NALF1: variants seen among roughly 807,000 people sequenced by gnomAD.
The protein encoded by NALF1 is NALCN channel auxiliary factor 1.
In NALF1, 3 loss-of-function variants were observed where a neutral mutation model predicts 48.4. The ratio of observed to expected loss-of-function variants is 0.06; its 90% CI spans 0.03 to 0.16. NALF1 has a LOEUF of 0.16. NALF1 is among the 10% of genes least tolerant of loss of function. The pLI, the probability that NALF1 is intolerant of heterozygous loss-of-function variation, is 1.00. For missense variants in NALF1, 526 were observed against 571.5 expected (o/e 0.92, Z 0.81); for synonymous variants, 262 against 245.7 (o/e 1.07, Z -0.62).
intron 1 of NALF1, among the ~76,000 whole-genome samples, chr13:107,717,285 G>A (rs1297566047): frequency 6.6e-6 from 1 of 152,094 alleles, no homozygotes; most frequent in Admixed American, 6.5e-5. Flanking sequence ...TTTAATCTAC[G>A]AGTTCCCCAA....
At chr13:107,186,202 T>C (rs1220431763) in intron 2 of NALF1, among the ~76,000 whole-genome samples, 1 of 152,130 alleles carries the variant, frequency 6.6e-6, no homozygotes, top group East Asian at 1.9e-4. Context: ...TGACGGGGTT[T>C]AGTATCCACC....
At chr13:107,325,897 C>CACACACACAT (rs1448533605) in intron 1 of NALF1, among the ~76,000 whole-genome samples, 12 of 122,010 alleles carry the variant, frequency 9.8e-5, no homozygotes, top group African/African-American at 3.4e-4. Context: ...TACACACACA[C>CACACACACAT]ACACACACAC....
chr13:107,732,650 C>T (rs1221806473), intron 1 of NALF1, among the ~76,000 whole-genome samples: 2 of 152,124 alleles, frequency 1.3e-5, no homozygotes, highest in Non-Finnish European at 2.9e-5. Context: ...AAAGTGCAAG[C>T]AGCTTCTCTT....
chr13:107,666,586 C>T (rs910683435), intron 1 of NALF1, among the ~76,000 whole-genome samples: 2 of 152,102 alleles, frequency 1.3e-5, no homozygotes, highest in Non-Finnish European at 2.9e-5. Flanking sequence ...ATTGAGATGG[C>T]TATGGCCTTG....
chr13:107,476,639 C>G (rs2139057051), intron 1 of NALF1, among the ~76,000 whole-genome samples: 1 of 152,082 alleles, frequency 6.6e-6, no homozygotes, highest in Non-Finnish European at 1.5e-5. Flanking sequence ...AGTTCAGATA[C>G]TTTTTGACAA....
At chr13:107,644,466 C>T (rs936765106) in intron 1 of NALF1, among the ~76,000 whole-genome samples, 1 of 151,166 alleles carries the variant, frequency 6.6e-6, no homozygotes, top group Non-Finnish European at 1.5e-5. Flanking sequence ...CAATAAATGG[C>T]AAAGACTGAA....
intron 1 of NALF1, among the ~76,000 whole-genome samples, chr13:107,371,737 G>A (rs1291297780): frequency 6.6e-6 from 1 of 152,080 alleles, no homozygotes; most frequent in Non-Finnish European, 1.5e-5. Flanking sequence ...GAGAAGTCGA[G>A]ATCAAAAAGA....
rs995236550 is a variant in NALF1 at position 107,769,617 on chromosome 13, C to A, written c.915+96065G>T. Among the ~76,000 whole-genome samples, 34 of 150,804 alleles carry A rather than the reference C, an allele frequency of 2.3e-4. 1 individual carries two copies. Among genetic ancestry groups the A allele is most frequent in the Non-Finnish European group, 3.8e-4 (26 of 67,870 alleles). ...ATGACGAGTTAGTGGGTTCAGTACA[C>A]CAGCATGGCACATGTATACATATGT... On this transcript the variant is annotated intron_variant, in intron 1 of 2. Transcript: ENST00000375915.
At chr13:107,842,224 T>A (rs1880061970) in intron 1 of NALF1, among the ~76,000 whole-genome samples, 3 of 151,980 alleles carry the variant, frequency 2.0e-5, no homozygotes, top group East Asian at 1.9e-4. Flanking sequence ...TGAAAAAAAA[T>A]TTTTTAGATG....
intron 1 of NALF1, among the ~76,000 whole-genome samples, chr13:107,226,165 C>A: frequency 6.6e-6 from 1 of 152,004 alleles, no homozygotes; most frequent in East Asian, 1.9e-4. Flanking sequence ...AACAGCAGAG[C>A]CTCCAGAGAG....
intron 1 of NALF1, among the ~76,000 whole-genome samples, chr13:107,306,018 C>T (rs1217204443): frequency 6.6e-6 from 1 of 151,998 alleles, no homozygotes; most frequent in African/African-American, 2.4e-5. Flanking sequence ...GGTGGAGGTA[C>T]AAACTAAGAA....
chr13:107,564,452 G>A (rs764090674), intron 1 of NALF1, among the ~76,000 whole-genome samples: 3 of 152,082 alleles, frequency 2.0e-5, no homozygotes, highest in Non-Finnish European at 4.4e-5. Context: ...CTTTCAACAC[G>A]TAGGTCGTTT....
At chr13:107,584,259 C>T (rs1745601789) in intron 1 of NALF1, among the ~76,000 whole-genome samples, 1 of 152,056 alleles carries the variant, frequency 6.6e-6, no homozygotes, top group African/African-American at 2.4e-5. Flanking sequence ...GAAAATTAGA[C>T]ATATATCACA....
chr13:107,616,902 G>A (rs1019183956), intron 1 of NALF1, among the ~76,000 whole-genome samples: 2 of 152,094 alleles, frequency 1.3e-5, no homozygotes, highest in Non-Finnish European at 2.9e-5. Context: ...TTGAAATGCA[G>A]AAATAACCGC....
chr13:107,358,958 C>A (rs1360830128), intron 1 of NALF1, among the ~76,000 whole-genome samples: 2 of 152,080 alleles, frequency 1.3e-5, no homozygotes, highest in Admixed American at 6.6e-5. Flanking sequence ...GGTTTAAAAG[C>A]AGCTAAAAAT....
chr13:107,627,667 T>C (rs556749829), intron 1 of NALF1, among the ~76,000 whole-genome samples: 2 of 152,188 alleles, frequency 1.3e-5, no homozygotes, highest in East Asian at 1.9e-4. Flanking sequence ...AAAGGTTACA[T>C]GCAACAAAAA....
chr13:107,332,469 C>T (rs776098738), intron 1 of NALF1, among the ~76,000 whole-genome samples: 1 of 152,226 alleles, frequency 6.6e-6, no homozygotes, highest in Non-Finnish European at 1.5e-5. Context: ...AAGCCCTTTC[C>T]AGTACTGGAG....
At chr13:107,592,497 T>C (rs1038883366) in intron 1 of NALF1, among the ~76,000 whole-genome samples, 8 of 151,952 alleles carry the variant, frequency 5.3e-5, no homozygotes, top group African/African-American at 1.9e-4. Context: ...TGAAAAAACA[T>C]TACTTAGTTC....
chr13:107,767,658 G>A (rs1244606249), intron 1 of NALF1, among the ~76,000 whole-genome samples: 1 of 152,152 alleles, frequency 6.6e-6, no homozygotes, highest in Non-Finnish European at 1.5e-5. Flanking sequence ...GCTGCTAATG[G>A]TCATTTTTCC....
Sources: allele counts gnomAD v4.1 joint callset (sites outside exome capture counted in the v4.1 genomes callset), GRCh38; gene constraint gnomAD v4.1.1; transcripts MANE v1.5; gene names NCBI Gene and HGNC (gene_info 2026-07-23, HGNC 2026-07-21).